The following AK5 variants were observed in gnomAD, a reference collection of about 807,000 sequenced individuals.
The protein encoded by AK5 is adenylate kinase isoenzyme 5.
AK5 carries 27 observed loss-of-function variants against 69.5 expected under a neutral mutation model. The ratio of observed to expected loss-of-function variants is 0.39; its 90% CI spans 0.29 to 0.54. The LOEUF (loss-of-function observed/expected upper bound fraction) is 0.54. AK5 is among the 20% of genes least tolerant of loss of function. The probability of loss-of-function intolerance (pLI) is 0.71; values close to 1 mark genes in which losing one functional copy is unlikely to be tolerated. For synonymous variants in AK5, 260 were observed against 244.4 expected (o/e 1.06, Z -0.60); for missense variants, 531 against 700.4 (o/e 0.76, Z 2.73).
chr1:77,523,932 C>T (rs901117217), intron 12 of AK5, among the ~76,000 whole-genome samples: 1 of 152,282 alleles, frequency 6.6e-6, no homozygotes, highest in Non-Finnish European at 1.5e-5. Context: ...TCCCAAAGTG[C>T]TGGGATTACA....
At chr1:77,544,303 G>C (rs996473844) in intron 13 of AK5, among the ~76,000 whole-genome samples, 2 of 152,186 alleles carry the variant, frequency 1.3e-5, no homozygotes, top group Non-Finnish European at 2.9e-5. Context: ...GTATACTACT[G>C]TAGGCTTTAT....
chr1:77,399,164 C>T (rs1008733374), intron 6 of AK5, among the ~76,000 whole-genome samples: 1 of 152,142 alleles, frequency 6.6e-6, no homozygotes, highest in Non-Finnish European at 1.5e-5. Context: ...CAAAGATTAG[C>T]GAGCAGAATA....
intron 8 of AK5, among the ~76,000 whole-genome samples, chr1:77,475,445 TATATATATACAAATATATATTATATA>T (rs1654852169): frequency 0.018 from 220 of 12,028 alleles, 4 homozygotes; most frequent in African/African-American, 0.036. Context: ...GTATATATAT[TATATATATACAAATATATATTATATA>T]TGTATATATA....
At chr1:77,555,525 A>G (rs1490449319) in intron 13 of AK5, among the ~76,000 whole-genome samples, 2 of 152,146 alleles carry the variant, frequency 1.3e-5, no homozygotes, top group African/African-American at 4.8e-5. Flanking sequence ...TTACTTAACC[A>G]CATTATCTTG....
chr1:77,282,417 C>A lies in AK5; in HGVS notation c.60+44C>A, dbSNP rs1198311210. The A allele has an allele frequency of 3.1e-5, 48 of 1,526,710 alleles. No homozygotes were observed. In the Admixed American group the frequency reaches 9.6e-4, roughly 30 times the overall value. 94.6% of individuals were successfully genotyped at this position (1,526,710 alleles called of 1,614,324 possible). On this transcript the variant is annotated intron_variant, in intron 1 of 13. Transcript: ENST00000354567. ...GACGGGCGGTAGCATCCGGGGACTG[C>A]ATCTCAGGGGTTCGGGTTGAGGCAG... is the stretch of plus-strand genomic sequence containing the variant.
At chr1:77,473,982 GA>G (rs1202023184) in intron 8 of AK5, among the ~76,000 whole-genome samples, 1 of 152,178 alleles carries the variant, frequency 6.6e-6, no homozygotes, top group Non-Finnish European at 1.5e-5. Context: ...GGAGGTGTAA[GA>G]AGGGGCAGAA....
chr1:77,425,582 G>T (rs1265071463), intron 8 of AK5, among the ~76,000 whole-genome samples: 3 of 151,800 alleles, frequency 2.0e-5, no homozygotes, highest in Non-Finnish European at 4.4e-5. Context: ...GCAAGACTCT[G>T]TCTCAAAAAA....
At chr1:77,423,555 T>C (rs540906122) in intron 8 of AK5, among the ~76,000 whole-genome samples, 8 of 152,062 alleles carry the variant, frequency 5.3e-5, no homozygotes, top group Admixed American at 3.3e-4. Context: ...GGACAAACCC[T>C]TACCCCAAAG....
chr1:77,352,942 T>C (rs1662289148), intron 6 of AK5, among the ~76,000 whole-genome samples: 1 of 152,194 alleles, frequency 6.6e-6, no homozygotes, highest in African/African-American at 2.4e-5. Context: ...TGGTTTATGT[T>C]TGCAAATTGA....
intron 6 of AK5, among the ~76,000 whole-genome samples, chr1:77,378,213 C>G (rs1647369356): frequency 6.6e-6 from 1 of 152,098 alleles, no homozygotes; most frequent in African/African-American, 2.4e-5. Flanking sequence ...TCTTGAATAC[C>G]CATTTGAATA....
Position 77,368,274 on chromosome 1 carries a change from T to A in AK5, c.891+27706T>A, listed in dbSNP as rs1403380584. Among the ~76,000 whole-genome samples the A allele has an allele frequency of 6.0e-3, 347 of 58,022 alleles. 5 individuals carry two copies. The highest frequency in any genetic ancestry group is 0.014 in the African/African-American group (302 of 21,746). The allele number at this position is 58,022 out of a possible 152,430, so 38.1% of individuals were successfully genotyped here. On this transcript the variant is annotated intron_variant, in intron 6 of 13. Transcript: ENST00000354567. ...ATATAATATATATGTTATATATATG[T>A]TATATATGTTATATATATGTTATAT...
rs1362569190 is a variant in AK5 at position 77,438,889 on chromosome 1, G to A, written c.1059+21174G>A. On this transcript the variant is annotated intron_variant, in intron 8 of 13. Coordinates refer to ENST00000354567, the MANE Select transcript of AK5 (RefSeq NM_174858.3). ...ACAAAAGTTTTTATCATTCCAGGGGGAATGCAAGGTCCATTATTAAGGTGG... is the reference window on the plus strand; with the variant it reads ...ACAAAAGTTTTTATCATTCCAGGGGAAATGCAAGGTCCATTATTAAGGTGG... Among the ~76,000 whole-genome samples, 3 of 152,142 alleles carry A rather than the reference G, an allele frequency of 2.0e-5. No homozygotes were observed. The South Asian group carries it at 6.2e-4, about 31-fold the overall frequency.
intron 13 of AK5, 84 bp from the exon 14 acceptor site, chr1:77,558,518 T>C: frequency 1.1e-6 from 1 of 884,362 alleles, no homozygotes; most frequent in Non-Finnish European, 1.8e-6. Flanking sequence ...GAGCAAATTA[T>C]GAGCAAGTGA....
rs375971532 is a variant in AK5, at chr1:77,340,474, A to G, written c.797A>G (p.Asp266Gly). 4 of 1,614,062 alleles carry G rather than the reference A, an allele frequency of 2.5e-6. No individual in the cohort carries two copies. Among genetic ancestry groups the G allele is most frequent in the Non-Finnish European group, 3.4e-6 (4 of 1,180,004 alleles). ...KRAEQQGRPD[D>G]NVKATQRRLM... is the part of the protein sequence containing the mutation. The stretch of plus-strand genomic sequence containing the variant: ...GCAGAACAGCAGGGCCGACCAGACG[A>G]CAATGTAAAAGCTACCCAAAGGAGA... Residue 266 changes from aspartate to glycine, a missense_variant, in exon 6 of 14, where the codon GAC (aspartate) becomes GGC (glycine). Transcript: ENST00000354567.
intron 5 of AK5, among the ~76,000 whole-genome samples, chr1:77,315,895 C>G (rs1489714694): frequency 2.0e-5 from 3 of 151,434 alleles, no homozygotes; most frequent in Non-Finnish European, 4.4e-5. Flanking sequence ...GCTAGGGAAT[C>G]AAACATGTCT....
At chr1:77,482,675 A>T (rs1009497413) in intron 8 of AK5, among the ~76,000 whole-genome samples, 19 of 151,662 alleles carry the variant, frequency 1.3e-4, no homozygotes, top group Non-Finnish European at 2.1e-4. Context: ...GGGGAGGCTG[A>T]GGCCCAAGTT....
At chr1:77,450,743 G>A (rs1041105172) in intron 8 of AK5, among the ~76,000 whole-genome samples, 21 of 152,070 alleles carry the variant, frequency 1.4e-4, no homozygotes, top group African/African-American at 4.6e-4. Context: ...ATTTCTTCAC[G>A]GGTTTGTAAA....
intron 8 of AK5, among the ~76,000 whole-genome samples, chr1:77,439,927 A>G (rs969039318): frequency 3.0e-4 from 45 of 151,722 alleles, no homozygotes; most frequent in African/African-American, 9.4e-4. Context: ...TGGAAGTGCT[A>G]TATCTCTTCA....
At chr1:77,499,029 C>T (rs1656534339) in intron 10 of AK5, among the ~76,000 whole-genome samples, 1 of 152,206 alleles carries the variant, frequency 6.6e-6, no homozygotes, top group South Asian at 2.1e-4. Flanking sequence ...CTGACACATT[C>T]TTGCAGTTGT....
Sources: allele counts gnomAD v4.1 joint callset (sites outside exome capture counted in the v4.1 genomes callset), GRCh38; gene constraint gnomAD v4.1.1; transcripts MANE v1.5; gene names NCBI Gene and HGNC (gene_info 2026-07-23, HGNC 2026-07-21).